Variants in NCOA3 observed in about 807,000 individuals in gnomAD.
The protein encoded by NCOA3 is nuclear receptor coactivator 3.
In NCOA3, 51 loss-of-function variants were observed where a neutral mutation model predicts 158.8. The ratio of observed to expected loss-of-function variants is 0.32; its 90% CI spans 0.26 to 0.41. The LOEUF (loss-of-function observed/expected upper bound fraction) is 0.41. Among genes scored for constraint, NCOA3 ranks in the 10% least tolerant of loss-of-function variants. NCOA3 has a pLI of 1.00. For missense variants in NCOA3, 1,510 were observed against 1,746.6 expected, an observed-to-expected ratio of 0.86 and a Z score of 2.41; for synonymous variants, 537 against 592.4, an observed-to-expected ratio of 0.91 and a Z score of 1.36.
At chr20:47,633,850 AGTT>A (rs1452841490) in intron 9 of NCOA3, among the ~76,000 whole-genome samples, 195 bp from the exon 10 acceptor site, 13 of 152,134 alleles carry the variant, frequency 8.5e-5, no homozygotes, top group Non-Finnish European at 1.8e-4. Context: ...ACATGACTGT[AGTT>A]GCTCTCTTGT....
chr20:47,575,355 GA>G (rs1264708499), intron 1 of NCOA3, among the ~76,000 whole-genome samples: 3 of 152,036 alleles, frequency 2.0e-5, no homozygotes, highest in Admixed American at 2.0e-4. Context: ...AAACCATGTT[GA>G]AAAAACAACT....
chr20:47,587,126 C>T (rs1233858896), intron 2 of NCOA3, among the ~76,000 whole-genome samples: 2 of 152,188 alleles, frequency 1.3e-5, no homozygotes, highest in African/African-American at 4.8e-5. Flanking sequence ...ATTCCTTTCC[C>T]ATTACCCGTC....
chr20:47,650,908 G>A (rs1374361777), intron 19 of NCOA3, 74 bp from the exon 20 acceptor site: 13 of 1,377,316 alleles, frequency 9.4e-6, no homozygotes, highest in Middle Eastern at 1.8e-4. Context: ...CTGGTGTATT[G>A]TGGGGGTACT....
chr20:47,598,387 G>A (rs2085799625), intron 2 of NCOA3, among the ~76,000 whole-genome samples: 1 of 151,878 alleles, frequency 6.6e-6, no homozygotes, highest in African/African-American at 2.4e-5. Flanking sequence ...TCAGGTTGGA[G>A]TGCCGTGGCA....
chr20:47,632,936 C>A (rs1221344200), intron 8 of NCOA3, among the ~76,000 whole-genome samples: 1 of 152,196 alleles, frequency 6.6e-6, no homozygotes, highest in African/African-American at 2.4e-5. Context: ...CTGCCTTGGC[C>A]TCCCAAAGTG....
chr20:47,502,318 G>T (rs191896466), intron 1 of NCOA3, among the ~76,000 whole-genome samples: 1 of 152,158 alleles, frequency 6.6e-6, no homozygotes, highest in African/African-American at 2.4e-5. Flanking sequence ...TTTGCGGGGG[G>T]ACTGCAGGGG....
intron 4 of NCOA3, 127 bp downstream of exon 4, chr20:47,624,210 G>A: frequency 1.4e-6 from 1 of 712,966 alleles, no homozygotes; most frequent in Non-Finnish European, 2.3e-6. Context: ...GATGATTCAA[G>A]CACATTACGT....
intron 1 of NCOA3, among the ~76,000 whole-genome samples, chr20:47,558,215 C>T (rs1340840466): frequency 2.7e-5 from 4 of 147,502 alleles, no homozygotes; most frequent in African/African-American, 5.1e-5. Context: ...TGCACCTCCA[C>T]GCCCAGCTAA....
rs147918555 is a variant in NCOA3 at position 47,651,086 on chromosome 20, G to A, written c.3756G>A (p.Gln1252=). ...RVAMMMQQQQ[Q]QQQQQQQQQQ... is the part of the protein sequence containing the mutation. ...CTATGATGATGCAGCAGCAGCAGCA[G>A]CAGCAACAGCAGCAGCAGCAGCAGC... The change falls in exon 20 of 23, where the codon CAG becomes CAA. Residue 1252 remains glutamine, a synonymous_variant. Coordinates refer to ENST00000371998, the MANE Select transcript of NCOA3 (RefSeq NM_181659.3). The A allele has an allele frequency of 6.4e-6, 9 of 1,396,218 alleles. No individual in the cohort carries two copies. The highest frequency in any genetic ancestry group is 5.8e-5 in the African/African-American group (4 of 69,520). 86.5% of individuals were successfully genotyped at this position (1,396,218 alleles called of 1,614,324 possible). A position where few individuals can be genotyped will look rare whatever the true frequency, so the allele number is the denominator to read the frequency against.
At chr20:47,617,246 G>A (rs1418805295) in intron 2 of NCOA3, among the ~76,000 whole-genome samples, 6 of 152,118 alleles carry the variant, frequency 3.9e-5, no homozygotes, top group African/African-American at 1.4e-4. Flanking sequence ...GTGAGCCACC[G>A]CGCCTGGCCT....
At chr20:47,516,580 T>C (rs2084237160) in intron 1 of NCOA3, among the ~76,000 whole-genome samples, 1 of 152,074 alleles carries the variant, frequency 6.6e-6, no homozygotes, top group Non-Finnish European at 1.5e-5. Context: ...GGGAGCTCCA[T>C]GTGAAGTTTA....
intron 1 of NCOA3, among the ~76,000 whole-genome samples, chr20:47,531,124 A>C (rs528360247): frequency 6.6e-5 from 10 of 152,246 alleles, no homozygotes; most frequent in Non-Finnish European, 1.2e-4. Flanking sequence ...AGATCACTTG[A>C]GGTAAGGAGT....
chr20:47,515,335 G>T (rs981797137), intron 1 of NCOA3, among the ~76,000 whole-genome samples: 23 of 151,310 alleles, frequency 1.5e-4, no homozygotes, highest in Non-Finnish European at 1.2e-4. Context: ...GTTAATTTTG[G>T]TATTTTTAGT....
chr20:47,517,626 T>G (rs982915858), intron 1 of NCOA3, among the ~76,000 whole-genome samples: 2 of 151,990 alleles, frequency 1.3e-5, no homozygotes, highest in Admixed American at 1.3e-4. Flanking sequence ...AATTTTTGTA[T>G]TTTTAGTAGA....
intron 1 of NCOA3, among the ~76,000 whole-genome samples, chr20:47,525,858 T>A (rs1332899047): frequency 4.6e-5 from 1 of 21,650 alleles, no homozygotes; most frequent in Non-Finnish European, 8.7e-5. Context: ...TGCCCCTCAC[T>A]TCCCGGATGG....
intron 1 of NCOA3, among the ~76,000 whole-genome samples, chr20:47,558,562 A>G (rs183319836): frequency 1.3e-5 from 2 of 152,246 alleles, no homozygotes; most frequent in African/African-American, 4.8e-5. Context: ...CACTGTTTGC[A>G]TCAGTTTCAG....
At position 47,567,254 on chromosome 20, in the gene NCOA3, G is replaced by T. The variant is rs1602413274; in HGVS notation, c.-98-15929G>T. ...GTAGAGATGGAGTTTCGCCATGTTG[G>T]TCAGGATGGTCTTGATCTCTTGACC... On this transcript the variant is annotated intron_variant, in intron 1 of 22. Transcript: ENST00000371998. Among the ~76,000 whole-genome samples, 9 of 152,106 alleles carry T rather than the reference G, an allele frequency of 5.9e-5. No homozygotes were observed. In the South Asian group the frequency reaches 1.9e-3, roughly 32 times the overall value.
rs143376484 is a variant in NCOA3, at chr20:47,653,683, A to G, written c.*266A>G. 2,437 of 478,482 alleles carry G rather than the reference A, an allele frequency of 5.1e-3. 18 individuals are homozygous for G. Among genetic ancestry groups the G allele is most frequent in the Non-Finnish European group, 7.5e-3 (2,048 of 271,332 alleles). 29.6% of individuals were successfully genotyped at this position (478,482 alleles called of 1,614,324 possible). On this transcript the variant is annotated 3_prime_UTR_variant, in exon 23 of 23. Transcript: ENST00000371998. Reference sequence around the variant, plus strand: ...TTTTGGCATTCCACCTCCTAGGGATATAATTCTGGAGACATGGAGTGTTAC... The same window carrying G: ...TTTTGGCATTCCACCTCCTAGGGATGTAATTCTGGAGACATGGAGTGTTAC...
intron 1 of NCOA3, among the ~76,000 whole-genome samples, chr20:47,582,401 T>C (rs1050229063): frequency 2.0e-5 from 3 of 152,156 alleles, no homozygotes; most frequent in East Asian, 1.9e-4. Flanking sequence ...TTAGTAGATA[T>C]GGGGTTTCAC....
Sources: gnomAD v4.1 joint callset for allele counts (sites outside exome capture counted in the v4.1 genomes callset) on GRCh38, gnomAD v4.1.1 for gene constraint, MANE v1.5 for transcripts, NCBI Gene and HGNC (gene_info 2026-07-23, HGNC 2026-07-21) for gene names.